UBN2: variants seen among roughly 807,000 people sequenced by gnomAD.
UBN2 encodes ubinuclein 2.
In UBN2, 35 loss-of-function variants were observed where a neutral mutation model predicts 120.2. The observed-to-expected ratio is 0.29, with a 90% CI of 0.22 to 0.39. UBN2 has a LOEUF of 0.39. Among genes scored for constraint, UBN2 ranks in the 10% least tolerant of loss-of-function variants. The pLI, the probability that UBN2 is intolerant of heterozygous loss-of-function variation, is 1.00. For missense variants in UBN2, 1,693 were observed against 1,663.2 expected (o/e 1.02, Z -0.31); for synonymous variants, 661 against 648.7 (o/e 1.02, Z -0.29).
chr7:139,314,073 C>T, the UBN2 span, among the ~76,000 whole-genome samples: 6 of 151,170 alleles, frequency 4.0e-5, no homozygotes, highest in Admixed American at 3.9e-4. Context: ...GCCTTGAACT[C>T]CTGACTTCAG....
At chr7:139,285,973 C>G (rs1797776016) in intron 15 of UBN2, among the ~76,000 whole-genome samples, 1 of 152,128 alleles carries the variant, frequency 6.6e-6, no homozygotes, top group Non-Finnish European at 1.5e-5. Context: ...TGTTGCCAGG[C>G]TGGAGTGCAA....
chr7:139,297,886 A>G lies in UBN2; in HGVS notation c.*50A>G, dbSNP rs777962568. 1 of 1,595,606 alleles carries G rather than the reference A, an allele frequency of 6.3e-7. No individual in the cohort carries two copies. The highest frequency in any genetic ancestry group is 1.1e-5 in the South Asian group (1 of 90,618). On this transcript the variant is annotated 3_prime_UTR_variant, in exon 18 of 18. Coordinates refer to ENST00000473989, the MANE Select transcript of UBN2 (RefSeq NM_173569.4). ...AATGTTTAGTTGACTGATGGAATCT[A>G]CCTGATGGGAAAGTACTTATGTGGT... is the stretch of plus-strand genomic sequence containing the variant.
rs903492604 is a variant in UBN2 at position 139,298,672 on chromosome 7, A to T, written c.*836A>T. 1 of 151,910 alleles carries T rather than the reference A, an allele frequency of 6.6e-6. No individual in the cohort carries two copies. Among genetic ancestry groups the T allele is most frequent in the South Asian group, 2.1e-4 (1 of 4,814 alleles). The allele number at this position is 151,910 out of a possible 1,614,324, so 9.4% of individuals were successfully genotyped here. A position where few individuals can be genotyped will look rare whatever the true frequency, so the allele number is the denominator to read the frequency against. ...AATTCTTATTTCCATTCTTGATGTT[A>T]AAATGTGACTGTGTTCACATTTTTC... On this transcript the variant is annotated 3_prime_UTR_variant, in exon 18 of 18. Transcript: ENST00000473989.
intron 3 of UBN2, among the ~76,000 whole-genome samples, chr7:139,253,700 A>G (rs1422832928): frequency 1.3e-5 from 2 of 152,228 alleles, no homozygotes; most frequent in African/African-American, 4.8e-5. Flanking sequence ...TCACATAACA[A>G]ATGAAAGACA....
chr7:139,284,877 GACAAA>G (rs1797738633), intron 15 of UBN2, among the ~76,000 whole-genome samples: 1 of 151,904 alleles, frequency 6.6e-6, no homozygotes, highest in Non-Finnish European at 1.5e-5. Context: ...AAAATTATTT[GACAAA>G]ACAAAACTAA....
At chr7:139,246,786 C>A (rs1274259067) in intron 2 of UBN2, among the ~76,000 whole-genome samples, 2 of 152,088 alleles carry the variant, frequency 1.3e-5, no homozygotes, top group African/African-American at 4.8e-5. Context: ...GTTTGTTGGC[C>A]TTTTCTAGGG....
At chr7:139,261,219 A>G (rs561152332) in intron 5 of UBN2, 33 bp from the exon 6 acceptor site, 3 of 1,552,556 alleles carry the variant, frequency 1.9e-6, no homozygotes, top group East Asian at 4.5e-5. Context: ...TTAAAATCAC[A>G]CATAGCCTAA....
intron 16 of UBN2, 113 bp downstream of exon 16, chr7:139,293,576 T>G (rs567711196): frequency 5.0e-5 from 47 of 939,800 alleles, no homozygotes; most frequent in Non-Finnish European, 6.1e-5. Flanking sequence ...ATTATAGTTT[T>G]TTTTTTTTTT....
At chr7:139,238,845 G>A (rs1796233464) in intron 2 of UBN2, among the ~76,000 whole-genome samples, 1 of 152,080 alleles carries the variant, frequency 6.6e-6, no homozygotes, top group Non-Finnish European at 1.5e-5. Flanking sequence ...TAAATAGAAG[G>A]AATAGCATTG....
chr7:139,296,360 A>G (rs1296136047), intron 17 of UBN2, among the ~76,000 whole-genome samples: 1 of 152,236 alleles, frequency 6.6e-6, no homozygotes, highest in African/African-American at 2.4e-5. Flanking sequence ...ATAAAACTTC[A>G]TGTGCAAAAG....
At chr7:139,255,376 T>C (rs1327243293) in intron 3 of UBN2, among the ~76,000 whole-genome samples, 1 of 152,202 alleles carries the variant, frequency 6.6e-6, no homozygotes, top group African/African-American at 2.4e-5. Flanking sequence ...TGGTAGACTA[T>C]ACAGTTTTTA....
chr7:139,259,807 C>T (rs1269104477), intron 5 of UBN2, among the ~76,000 whole-genome samples: 1 of 151,514 alleles, frequency 6.6e-6, no homozygotes, highest in Non-Finnish European at 1.5e-5. Flanking sequence ...GAAGTGCAGT[C>T]CCACAATCTA....
rs1291801013 is a variant in UBN2, at chr7:139,305,294, C to T, written c.*7458C>T. ...AGAATATGAATTGTATATTAGGAGTCTGGGGAGGAAAGGTTAAATTGTCTT... is the reference window on the plus strand; with the variant it reads ...AGAATATGAATTGTATATTAGGAGTTTGGGGAGGAAAGGTTAAATTGTCTT... On this transcript the variant is annotated 3_prime_UTR_variant, in exon 18 of 18. Coordinates refer to ENST00000473989, the MANE Select transcript of UBN2 (RefSeq NM_173569.4). 1 of 152,112 alleles carries T rather than the reference C, an allele frequency of 6.6e-6. No homozygotes were observed. Among genetic ancestry groups the T allele is most frequent in the South Asian group, 2.1e-4 (1 of 4,826 alleles). 9.4% of individuals were successfully genotyped at this position (152,112 alleles called of 1,614,324 possible).
chr7:139,235,981 C>T (rs926254484), intron 1 of UBN2, among the ~76,000 whole-genome samples: 1 of 152,128 alleles, frequency 6.6e-6, no homozygotes, highest in Non-Finnish European at 1.5e-5. Context: ...CTTCAGGGTC[C>T]ATTGAATCTG....
chr7:139,231,898 C>T lies in UBN2; in HGVS notation c.414C>T (p.Asp138=), dbSNP rs566623480. The change falls in exon 1 of 18, where the codon GAC becomes GAT. Residue 138 remains aspartate (D), a synonymous_variant. Coordinates refer to ENST00000473989, the MANE Select transcript of UBN2 (RefSeq NM_173569.4). ...RLELVLKDPT[D]ESCVEFSYPE... is the part of the protein sequence containing the mutation. Reference sequence around the variant, plus strand: ...AGCTGGTGCTTAAGGACCCCACCGACGAGAGCTGCGTGGAGTTCAGTTACC... The same window carrying T: ...AGCTGGTGCTTAAGGACCCCACCGATGAGAGCTGCGTGGAGTTCAGTTACC... 13 of 1,588,114 alleles carry T rather than the reference C, an allele frequency of 8.2e-6. No individual in the cohort carries two copies. In the East Asian group the frequency reaches 2.4e-4, roughly 29 times the overall value.
intron 12 of UBN2, chr7:139,277,738 C>T (rs537742002): frequency 2.6e-5 from 4 of 152,218 alleles, no homozygotes; most frequent in African/African-American, 9.6e-5. Flanking sequence ...GTGGTATTTT[C>T]GGCTTTAATT....
At chr7:139,262,719 A>G (rs1585004534) in intron 6 of UBN2, among the ~76,000 whole-genome samples, 1 of 151,896 alleles carries the variant, frequency 6.6e-6, no homozygotes, top group East Asian at 1.9e-4. Flanking sequence ...ATCTCAAAAA[A>G]AAAAAAAAAA....
At chr7:139,291,038 A>C (rs920769689) in intron 15 of UBN2, among the ~76,000 whole-genome samples, 1 of 152,194 alleles carries the variant, frequency 6.6e-6, no homozygotes, top group Non-Finnish European at 1.5e-5. Context: ...TTATTTTTAA[A>C]ATAGTCAACA....
chr7:139,298,573 A>G lies in UBN2; in HGVS notation c.*737A>G, dbSNP rs910079312. ...ATGTCCCCTTTTTGTAAAAGGGTCAATTTCATCTTCCGTTCAGAAGCAGGT... is the reference window on the plus strand; with the variant it reads ...ATGTCCCCTTTTTGTAAAAGGGTCAGTTTCATCTTCCGTTCAGAAGCAGGT... On this transcript the variant is annotated 3_prime_UTR_variant, in exon 18 of 18. Transcript: ENST00000473989. 2 of 151,940 alleles carry G rather than the reference A, an allele frequency of 1.3e-5. No homozygotes were observed. Among genetic ancestry groups the G allele is most frequent in the Non-Finnish European group, 2.9e-5 (2 of 67,986 alleles). 9.4% of individuals were successfully genotyped at this position (151,940 alleles called of 1,614,324 possible).
Sources: allele counts gnomAD v4.1 joint callset (sites outside exome capture counted in the v4.1 genomes callset), GRCh38; gene constraint gnomAD v4.1.1; transcripts MANE v1.5; gene names NCBI Gene and HGNC (gene_info 2026-07-23, HGNC 2026-07-21).